The following ATP6V1C1 variants were observed in gnomAD, a reference collection of about 807,000 sequenced individuals.
ATP6V1C1 encodes the protein ATPase H+ transporting V1 subunit C1, also known as V-type proton ATPase subunit C 1.
A neutral mutation model predicts 53.9 loss-of-function variants in ATP6V1C1; 45 were observed. The ratio of observed to expected loss-of-function variants is 0.83; its 90% CI spans 0.66 to 1.07. The LOEUF is 1.07. Ranked by LOEUF, ATP6V1C1 falls within the 50% of genes least tolerant of loss-of-function variation. ATP6V1C1 has a pLI of 0.00. For missense variants in ATP6V1C1, 315 were observed against 440.3 expected (o/e 0.72, Z 2.55); for synonymous variants, 153 against 155.2 (o/e 0.99, Z 0.11).
rs1301571180 is a variant in ATP6V1C1 at position 103,063,212 on chromosome 8, AT to A, written c.813del (p.Asp271GlufsTer13). The A allele has an allele frequency of 6.3e-7, 1 of 1,599,864 alleles. No individual in the cohort carries two copies. Among genetic ancestry groups the A allele is most frequent in the African/African-American group, 1.3e-5 (1 of 74,460 alleles). On this transcript the variant is annotated frameshift_variant, in exon 10 of 13. Transcript: ENST00000518738. LOFTEE classifies it high-confidence loss of function. ...GAAGAAATGAACAGGCTTTCTACTG[AT>A]AAGAAAAAACAATTTGTATGTGTTT... ...DKEEMNRLSTDKKKQFGPLVR... is the reference protein window; with the variant it reads ...DKEEMNRLSTXKKKQFGPLVR...
At chr8:103,031,767 A>G (rs1255328449) in intron 1 of ATP6V1C1, among the ~76,000 whole-genome samples, 1 of 152,206 alleles carries the variant, frequency 6.6e-6, no homozygotes. Context: ...GAGAAAAATG[A>G]ATGAAAGCTC....
intron 8 of ATP6V1C1, among the ~76,000 whole-genome samples, chr8:103,059,898 CCACACA>C (rs1418322644): frequency 6.5e-4 from 6 of 9,224 alleles, no homozygotes; most frequent in Admixed American, 1.3e-3. Flanking sequence ...ACACACACAC[CCACACA>C]CCCACACACC....
At chr8:103,063,616 T>A (rs949319737) in intron 10 of ATP6V1C1, among the ~76,000 whole-genome samples, 1 of 152,224 alleles carries the variant, frequency 6.6e-6, no homozygotes, top group African/African-American at 2.4e-5. Flanking sequence ...TTCTTTTCAG[T>A]AAGACTTTTC....
intron 4 of ATP6V1C1, 43 bp downstream of exon 4, chr8:103,048,998 G>A (rs201837742): frequency 5.2e-6 from 8 of 1,548,766 alleles, no homozygotes; most frequent in Middle Eastern, 1.7e-4. Context: ...CTCATACAAA[G>A]CAAATAACTA....
intron 8 of ATP6V1C1, among the ~76,000 whole-genome samples, chr8:103,056,630 A>G (rs1270249841): frequency 6.6e-6 from 1 of 152,128 alleles, no homozygotes; most frequent in Non-Finnish European, 1.5e-5. Flanking sequence ...TAGGGCTAGA[A>G]CTCACATCTT....
Position 103,040,961 on chromosome 8 carries a change from A to G in ATP6V1C1, c.125A>G (p.Asp42Gly). ...LAVTSKFNIP[D>G]LKVGTLDVLV... ...GTCACTTCCAAGTTCAATATTCCTG[A>G]CTTAAAGGTGAAGCTGCACTGTGCA... The change falls in exon 2 of 13, where the codon GAC becomes GGC. Residue 42 changes from aspartate (D) to glycine (G), a missense_variant. Coordinates refer to ENST00000518738, the MANE Select transcript of ATP6V1C1 (RefSeq NM_001695.5). 1 of 1,613,954 alleles carries G rather than the reference A, an allele frequency of 6.2e-7. No individual in the cohort carries two copies. Among genetic ancestry groups the G allele is most frequent in the Non-Finnish European group, 8.5e-7 (1 of 1,179,910 alleles).
At chr8:103,043,348 A>T (rs900583258) in intron 3 of ATP6V1C1, among the ~76,000 whole-genome samples, 1 of 151,934 alleles carries the variant, frequency 6.6e-6, no homozygotes, top group Non-Finnish European at 1.5e-5. Flanking sequence ...TTTGAGACGG[A>T]GTCTCGCTCT....
chr8:103,045,374 C>T (rs1817075802), intron 3 of ATP6V1C1, among the ~76,000 whole-genome samples: 1 of 151,978 alleles, frequency 6.6e-6, no homozygotes, highest in Non-Finnish European at 1.5e-5. Context: ...TATTGATGTT[C>T]TTTAATATTG....
At chr8:103,066,495 A>G (rs1301901046) in intron 12 of ATP6V1C1, 48 bp downstream of exon 12, 1 of 1,479,150 alleles carries the variant, frequency 6.8e-7, no homozygotes, top group Non-Finnish European at 9.0e-7. Context: ...TGAATTTCAG[A>G]AAAAAAATGA....
At chr8:103,022,674 A>G (rs1241500055) in intron 1 of ATP6V1C1, among the ~76,000 whole-genome samples, 1 of 152,102 alleles carries the variant, frequency 6.6e-6, no homozygotes, top group Non-Finnish European at 1.5e-5. Flanking sequence ...TATTCTTCAT[A>G]CCCTCTCGCT....
Position 103,045,712 on chromosome 8 carries a change from T to C in ATP6V1C1, c.201-3158T>C, listed in dbSNP as rs769103041. Among the ~76,000 whole-genome samples, 28 of 152,160 alleles carry C rather than the reference T, an allele frequency of 1.8e-4. 1 individual carries two copies. Among genetic ancestry groups the C allele is most frequent in the Admixed American group, 9.8e-4 (15 of 15,288 alleles). On this transcript the variant is annotated intron_variant, in intron 3 of 12. Coordinates refer to ENST00000518738, the MANE Select transcript of ATP6V1C1 (RefSeq NM_001695.5). ...ATCCCAGCACTTTGGGAGGCCAAGG[T>C]GGGCGGATCATGAGGTCAGGAGATC...
intron 8 of ATP6V1C1, among the ~76,000 whole-genome samples, chr8:103,056,569 TTAAA>T (rs778380531): frequency 1.3e-4 from 20 of 152,356 alleles, no homozygotes; most frequent in Non-Finnish European, 2.4e-4. Flanking sequence ...GTTAAAATGC[TTAAA>T]TAGTTGCCTG....
rs1027943552 is a variant in ATP6V1C1, at chr8:103,069,490, T to C, written c.*743T>C. On this transcript the variant is annotated 3_prime_UTR_variant, in exon 13 of 13. Transcript: ENST00000518738. ...TTTCAGTATATGATGGGTATTTACATTTGAACACTAGAATTTTAGGTCTCT... is the reference window on the plus strand; with the variant it reads ...TTTCAGTATATGATGGGTATTTACACTTGAACACTAGAATTTTAGGTCTCT... 1 of 152,234 alleles carries C rather than the reference T, an allele frequency of 6.6e-6. No homozygotes were observed. Among genetic ancestry groups the C allele is most frequent in the Non-Finnish European group, 1.5e-5 (1 of 68,036 alleles). The allele number at this position is 152,234 out of a possible 1,614,324, so 9.4% of individuals were successfully genotyped here.
At chr8:103,049,482 G>A (rs1261526044) in intron 4 of ATP6V1C1, among the ~76,000 whole-genome samples, 2 of 152,204 alleles carry the variant, frequency 1.3e-5, no homozygotes, top group Non-Finnish European at 2.9e-5. Context: ...CTAGAAGCCA[G>A]TATTTACATA....
At chr8:103,043,870 G>A (rs1817046707) in intron 3 of ATP6V1C1, among the ~76,000 whole-genome samples, 1 of 151,986 alleles carries the variant, frequency 6.6e-6, no homozygotes, top group African/African-American at 2.4e-5. Flanking sequence ...ATTTTCTCCT[G>A]TTCTGTGAGT....
At position 103,053,872 on chromosome 8, in the gene ATP6V1C1, TTAA is replaced by T; in HGVS notation, c.474-10_474-8del. 1 of 1,596,598 alleles carries T rather than the reference TTAA, an allele frequency of 6.3e-7. No homozygotes were observed. The highest frequency in any genetic ancestry group is 8.6e-7 in the Non-Finnish European group (1 of 1,166,506). On this transcript the variant is annotated splice_polypyrimidine_tract_variant and intron_variant, in intron 6 of 12. Coordinates refer to ENST00000518738, the MANE Select transcript of ATP6V1C1 (RefSeq NM_001695.5). ...ATAATTATCAGCCTAATGATTTGTT[TTAA>T]TTCCTCAGAGGAAGTTTGCTAACTA...
intron 8 of ATP6V1C1, among the ~76,000 whole-genome samples, chr8:103,060,433 G>A (rs1276316876): frequency 1.3e-5 from 2 of 152,124 alleles, no homozygotes; most frequent in Non-Finnish European, 2.9e-5. Context: ...AATCCCCTCA[G>A]ATAAAGTTAC....
chr8:103,047,428 GCGCACACACA>G (rs1362293743), intron 3 of ATP6V1C1, among the ~76,000 whole-genome samples: 6 of 117,584 alleles, frequency 5.1e-5, no homozygotes, highest in South Asian at 5.3e-4. Flanking sequence ...AAAAATGCGC[GCGCACACACA>G]CACACACACA....
chr8:103,052,583 A>G (rs1032789312), intron 5 of ATP6V1C1, 148 bp from the exon 6 acceptor site: 1 of 395,744 alleles, frequency 2.5e-6, no homozygotes, highest in Non-Finnish European at 4.5e-6. Flanking sequence ...ATGACCTCCT[A>G]AAGTCGTGCT....
Sources: gnomAD v4.1 joint callset for allele counts (sites outside exome capture counted in the v4.1 genomes callset) on GRCh38, gnomAD v4.1.1 for gene constraint, MANE v1.5 for transcripts, NCBI Gene and HGNC (gene_info 2026-07-23, HGNC 2026-07-21) for gene names.